STARD13: variants seen among roughly 807,000 people sequenced by gnomAD.
STARD13 encodes the protein StAR related lipid transfer domain containing 13, also known as stAR-related lipid transfer protein 13.
A neutral mutation model predicts 106.4 loss-of-function variants in STARD13; 62 were observed. The ratio of observed to expected loss-of-function variants is 0.58; its 90% CI spans 0.48 to 0.72. The LOEUF is 0.72. STARD13 is among the 30% of genes least tolerant of loss of function. The pLI is 0.00. For synonymous variants in STARD13, 565 were observed against 553.0 expected (o/e 1.02, Z -0.31); for missense variants, 1,387 against 1,424.0 (o/e 0.97, Z 0.42).
intron 1 of STARD13, among the ~76,000 whole-genome samples, chr13:33,312,927 A>G (rs1429837031): frequency 1.3e-5 from 2 of 152,208 alleles, no homozygotes; most frequent in Non-Finnish European, 2.9e-5. Context: ...CTCTTTTCCT[A>G]AGTAATAACA....
chr13:33,104,025 A>G lies in STARD13; in HGVS notation c.*1568T>C, dbSNP rs1240313332. ...AAGCTTTTTTATTCCTCTCAATAAA[A>G]TAATTGCACATTGCTGATAACAGAA... is the stretch of plus-strand genomic sequence containing the variant. On this transcript the variant is annotated 3_prime_UTR_variant, in exon 14 of 14. Coordinates refer to ENST00000336934, the MANE Select transcript of STARD13 (RefSeq NM_178006.4). 2.0e-5 allele frequency: 3 copies of G among 152,246 alleles called. No homozygotes were observed. The highest frequency in any genetic ancestry group is 2.9e-5 in the Non-Finnish European group (2 of 68,046). The allele number at this position is 152,246 out of a possible 1,614,324, so 9.4% of individuals were successfully genotyped here.
At chr13:33,170,502 A>G (rs1883834261) in intron 1 of STARD13, among the ~76,000 whole-genome samples, 1 of 152,178 alleles carries the variant, frequency 6.6e-6, no homozygotes, top group African/African-American at 2.4e-5. Flanking sequence ...GAATAACCAA[A>G]TTTTAACCAG....
the STARD13 span, among the ~76,000 whole-genome samples, chr13:33,422,090 G>T: frequency 6.6e-6 from 1 of 152,086 alleles, no homozygotes; most frequent in Non-Finnish European, 1.5e-5. Context: ...TAAAAGTTCT[G>T]GCCAGGGCAA....
the STARD13 span, among the ~76,000 whole-genome samples, chr13:33,609,975 A>C: frequency 2.6e-5 from 4 of 152,214 alleles, no homozygotes; most frequent in African/African-American, 9.7e-5. Flanking sequence ...AAAGTGGGGA[A>C]AAAAGTCATG....
chr13:33,573,166 C>T, the STARD13 span, among the ~76,000 whole-genome samples: 9 of 152,222 alleles, frequency 5.9e-5, no homozygotes, highest in East Asian at 1.9e-4. Flanking sequence ...CAGACAACTA[C>T]GGAGATGTCT....
chr13:33,650,180 T>G, the STARD13 span, among the ~76,000 whole-genome samples: 18 of 76,698 alleles, frequency 2.3e-4, 1 homozygote, highest in African/African-American at 1.1e-3. Flanking sequence ...TTTTTTTTTT[T>G]TTTTTTTTTT....
At chr13:33,339,334 C>T (rs987731540) in intron 1 of STARD13, among the ~76,000 whole-genome samples, 7 of 152,174 alleles carry the variant, frequency 4.6e-5, no homozygotes, top group African/African-American at 1.2e-4. Flanking sequence ...CCTAATACCA[C>T]CAACGCTACC....
intron 1 of STARD13, among the ~76,000 whole-genome samples, chr13:33,325,983 TAAAAAAAAAA>T (rs59403273): frequency 1.0e-5 from 1 of 96,210 alleles, no homozygotes. Context: ...AGACTCCGTT[TAAAAAAAAAA>T]AAAAAAAAAA....
the STARD13 span, among the ~76,000 whole-genome samples, chr13:33,374,826 A>T: frequency 6.6e-6 from 1 of 152,088 alleles, no homozygotes; most frequent in South Asian, 2.1e-4. Flanking sequence ...TGTTTGTCAA[A>T]CTTTAGTCTT....
chr13:33,514,712 T>A, the STARD13 span, among the ~76,000 whole-genome samples: 1 of 152,036 alleles, frequency 6.6e-6, no homozygotes, highest in Non-Finnish European at 1.5e-5. Context: ...AGCATCAGGA[T>A]CTTTGGAGGG....
At chr13:33,407,334 G>T in the STARD13 span, among the ~76,000 whole-genome samples, 1 of 152,162 alleles carries the variant, frequency 6.6e-6, no homozygotes, top group South Asian at 2.1e-4. Flanking sequence ...GAAGGCCTAG[G>T]TGTTCCATCT....
At chr13:33,475,841 C>T in the STARD13 span, among the ~76,000 whole-genome samples, 2 of 152,098 alleles carry the variant, frequency 1.3e-5, no homozygotes, top group Non-Finnish European at 1.5e-5. Context: ...TCTGTAGTCC[C>T]AGCTACTCAG....
the STARD13 span, among the ~76,000 whole-genome samples, chr13:33,445,075 G>A: frequency 6.6e-6 from 1 of 152,016 alleles, no homozygotes; most frequent in African/African-American, 2.4e-5. Context: ...TTTTTTTTGG[G>A]AGGCTATGTC....
the STARD13 span, among the ~76,000 whole-genome samples, chr13:33,536,094 ATAAAT>A: frequency 3.9e-4 from 60 of 152,318 alleles, no homozygotes; most frequent in African/African-American, 1.4e-3. Context: ...GTGCATGTAA[ATAAAT>A]TAAATATATA....
chr13:33,122,013 C>G (rs1876404204), intron 7 of STARD13, among the ~76,000 whole-genome samples: 1 of 152,086 alleles, frequency 6.6e-6, no homozygotes, highest in Non-Finnish European at 1.5e-5. Context: ...GCCCAGCTAA[C>G]TTTTGTATTT....
At chr13:33,603,710 G>T in the STARD13 span, among the ~76,000 whole-genome samples, 1 of 152,060 alleles carries the variant, frequency 6.6e-6, no homozygotes, top group Non-Finnish European at 1.5e-5. Flanking sequence ...TTTGGAAGCA[G>T]AAGTAAACAC....
intron 1 of STARD13, 25 bp from the exon 2 acceptor site, chr13:33,167,647 T>C (rs1219569486): frequency 6.2e-7 from 1 of 1,609,124 alleles, no homozygotes; most frequent in East Asian, 2.2e-5. Context: ...AGAGATAAAA[T>C]TGTGAGTCCC....
chr13:33,349,817 C>T (rs1278918345), intron 1 of STARD13, among the ~76,000 whole-genome samples: 1 of 152,222 alleles, frequency 6.6e-6, no homozygotes, highest in Non-Finnish European at 1.5e-5. Flanking sequence ...TGCGGCGCTT[C>T]GGACGTGCTC....
In STARD13 at chr13:33,128,923, A is replaced by G. The variant is rs1877675110; in HGVS notation, c.1748+6T>C. ...AAAAATCATTTCACAAGTGCATGCCACCTACCTGTTTGGCCTGGTCAGAGA... is the reference window on the plus strand; with the variant it reads ...AAAAATCATTTCACAAGTGCATGCCGCCTACCTGTTTGGCCTGGTCAGAGA... On this transcript the variant is annotated splice_donor_region_variant and intron_variant, in intron 5 of 13. Transcript: ENST00000336934. 6.3e-7 allele frequency: 1 copy of G among 1,594,452 alleles called. No homozygotes were observed. The highest frequency in any genetic ancestry group is 1.4e-5 in the African/African-American group (1 of 73,900).
Sources: allele counts gnomAD v4.1 joint callset (sites outside exome capture counted in the v4.1 genomes callset), GRCh38; gene constraint gnomAD v4.1.1; transcripts MANE v1.5; gene names NCBI Gene and HGNC (gene_info 2026-07-23, HGNC 2026-07-21).